The following PRKG2 variants were observed in gnomAD, a reference collection of about 807,000 sequenced individuals.
PRKG2 encodes the protein cGMP-dependent protein kinase 2.
PRKG2 carries 33 observed loss-of-function variants against 97.2 expected under a neutral mutation model. The observed-to-expected ratio is 0.34, with a 90% confidence interval of 0.26 to 0.45. The LOEUF (loss-of-function observed/expected upper bound fraction) is 0.45. PRKG2 is among the 20% of genes least tolerant of loss of function. PRKG2 has a pLI of 1.00. For missense variants in PRKG2, 638 were observed against 900.0 expected, an observed-to-expected ratio of 0.71 and a Z score of 3.73; for synonymous variants, 330 against 321.8, an observed-to-expected ratio of 1.03 and a Z score of -0.27.
intron 14 of PRKG2, among the ~76,000 whole-genome samples, chr4:81,113,468 T>C (rs1335837581): frequency 2.0e-5 from 3 of 152,194 alleles, no homozygotes; most frequent in Non-Finnish European, 4.4e-5. Flanking sequence ...ATTCTCATTA[T>C]TAACGATGGC....
intron 17 of PRKG2, 126 bp downstream of exon 17, chr4:81,104,244 A>T (rs1420373991): frequency 2.1e-6 from 1 of 471,178 alleles, no homozygotes; most frequent in East Asian, 4.5e-5. Context: ...TAAAAAGCAA[A>T]GCACTATAAA....
At chr4:81,186,385 C>G (rs1455190757) in intron 2 of PRKG2, among the ~76,000 whole-genome samples, 1 of 151,998 alleles carries the variant, frequency 6.6e-6, no homozygotes, top group Non-Finnish European at 1.5e-5. Flanking sequence ...GGGTAAATAA[C>G]AAAATTAAGG....
At chr4:81,196,650 A>G (rs1329507091) in intron 2 of PRKG2, among the ~76,000 whole-genome samples, 1 of 152,120 alleles carries the variant, frequency 6.6e-6, no homozygotes, top group Non-Finnish European at 1.5e-5. Context: ...GGCATCACAA[A>G]TAACCCAAGA....
At chr4:81,099,043 G>T (rs1408327491) in intron 17 of PRKG2, among the ~76,000 whole-genome samples, 1 of 152,142 alleles carries the variant, frequency 6.6e-6, no homozygotes. Flanking sequence ...TCCTCTTCCT[G>T]TCAGGAAAGA....
chr4:81,141,751 T>C (rs1434230742), intron 11 of PRKG2, among the ~76,000 whole-genome samples: 1 of 152,158 alleles, frequency 6.6e-6, no homozygotes, highest in African/African-American at 2.4e-5. Context: ...GCTTTGTTAA[T>C]TGAATCCTTT....
intron 16 of PRKG2, among the ~76,000 whole-genome samples, chr4:81,105,085 ACTC>A (rs1450076882): frequency 4.6e-5 from 7 of 152,132 alleles, no homozygotes; most frequent in African/African-American, 1.7e-4. Context: ...TAAATAAATT[ACTC>A]CTATTTTATA....
chr4:81,106,619 T>C (rs1743369579), intron 15 of PRKG2, among the ~76,000 whole-genome samples: 1 of 152,180 alleles, frequency 6.6e-6, no homozygotes, highest in African/African-American at 2.4e-5. Flanking sequence ...TTGCCTAGCA[T>C]AGTAATGTTG....
upstream of PRKG2, among the ~76,000 whole-genome samples, chr4:81,215,561 C>T (rs972563886): frequency 6.6e-6 from 1 of 152,148 alleles, no homozygotes; most frequent in African/African-American, 2.4e-5. Flanking sequence ...CTCCATCCTT[C>T]CAGTCTGTTT....
chr4:81,113,189 A>G (rs1744155400), intron 14 of PRKG2, among the ~76,000 whole-genome samples: 1 of 152,168 alleles, frequency 6.6e-6, no homozygotes, highest in Admixed American at 6.6e-5. Flanking sequence ...GGGTTTGTAA[A>G]CCACAGAAAT....
intron 9 of PRKG2, among the ~76,000 whole-genome samples, 154 bp downstream of exon 9, chr4:81,148,730 C>T (rs938172425): frequency 5.3e-5 from 8 of 152,278 alleles, no homozygotes; most frequent in African/African-American, 1.9e-4. Context: ...GGCCCTGTTC[C>T]TTCCCATGAA....
At chr4:81,217,093 A>G (rs944379492), upstream of PRKG2, among the ~76,000 whole-genome samples, 6 of 145,640 alleles carry the variant, frequency 4.1e-5, no homozygotes, top group African/African-American at 1.0e-4. Flanking sequence ...TATAAATCCA[A>G]TCACCCCTTA....
chr4:81,106,582 A>C (rs1325604175), intron 15 of PRKG2, among the ~76,000 whole-genome samples: 1 of 152,242 alleles, frequency 6.6e-6, no homozygotes, highest in African/African-American at 2.4e-5. Flanking sequence ...GTAGTGAGAA[A>C]GTCAGGGGCA....
intron 12 of PRKG2, among the ~76,000 whole-genome samples, 199 bp downstream of exon 12, chr4:81,140,334 C>T (rs1352077534): frequency 6.6e-6 from 1 of 152,090 alleles, no homozygotes; most frequent in Non-Finnish European, 1.5e-5. Flanking sequence ...AGGATAAATG[C>T]TCAAGGGGAT....
intron 3 of PRKG2, 83 bp downstream of exon 3, chr4:81,174,710 G>C: frequency 7.3e-7 from 1 of 1,365,278 alleles, no homozygotes; most frequent in Non-Finnish European, 1.0e-6. Context: ...AGAGCAACCA[G>C]TTTTATGTTT....
chr4:81,122,646 C>CTTT (rs967888498), intron 14 of PRKG2, among the ~76,000 whole-genome samples: 2 of 152,062 alleles, frequency 1.3e-5, no homozygotes, highest in Non-Finnish European at 2.9e-5. Flanking sequence ...TTTTCCTCTG[C>CTTT]TGAAAAAACA....
At chr4:81,152,719 A>G (rs28539711) in intron 7 of PRKG2, among the ~76,000 whole-genome samples, 12,863 of 152,274 alleles carry the variant, frequency 0.084, 1,847 homozygotes, top group African/African-American at 0.29. Flanking sequence ...TGTATGTCAC[A>G]ATGAATTAAA....
At chr4:81,149,007 A>C in intron 8 of PRKG2, 55 bp from the exon 9 acceptor site, 1 of 1,515,892 alleles carries the variant, frequency 6.6e-7, no homozygotes, top group Non-Finnish European at 9.2e-7. Context: ...TTAAACATCC[A>C]CTTTTATTAG....
chr4:81,176,697 C>G (rs148306389), intron 2 of PRKG2, among the ~76,000 whole-genome samples: 43 of 152,268 alleles, frequency 2.8e-4, no homozygotes, highest in Non-Finnish European at 6.0e-4. Context: ...ATTTAAAATG[C>G]ACACTTCAAA....
intron 18 of PRKG2, 48 bp downstream of exon 18, chr4:81,092,338 A>G: frequency 7.5e-7 from 1 of 1,324,976 alleles, no homozygotes; most frequent in Non-Finnish European, 1.0e-6. Flanking sequence ...GTGTACAAAA[A>G]CAAATCCCTG....
Sources: allele counts gnomAD v4.1 joint callset (sites outside exome capture counted in the v4.1 genomes callset), GRCh38; gene constraint gnomAD v4.1.1; transcripts MANE v1.5; gene names NCBI Gene and HGNC (gene_info 2026-07-23, HGNC 2026-07-21).